Variants in DISP1 observed in about 807,000 individuals in gnomAD.
DISP1 encodes the protein dispatched RND transporter family member 1.
In DISP1, 30 loss-of-function variants were observed where a neutral mutation model predicts 37.3. That is an observed-to-expected ratio of 0.80 (90% confidence interval 0.60 to 1.09). DISP1 has a LOEUF of 1.09. DISP1 is among the 50% of genes least tolerant of loss of function. The pLI is 0.00. For missense variants in DISP1, 1,598 were observed against 1,879.5 expected (o/e 0.85, Z 2.77); for synonymous variants, 634 against 690.2 (o/e 0.92, Z 1.28).
chr1:222,834,562 C>T (rs1321170049), intron 1 of DISP1, among the ~76,000 whole-genome samples: 1 of 152,158 alleles, frequency 6.6e-6, no homozygotes, highest in Non-Finnish European at 1.5e-5. Context: ...CATTCTGTCA[C>T]AGACAGGTAG....
At chr1:222,895,330 T>C (rs1240039857) in intron 1 of DISP1, among the ~76,000 whole-genome samples, 1 of 152,344 alleles carries the variant, frequency 6.6e-6, no homozygotes, top group East Asian at 1.9e-4. Flanking sequence ...CACTGTACTC[T>C]TTCCAAGTAG....
At chr1:222,902,782 A>G (rs1026329720) in intron 1 of DISP1, among the ~76,000 whole-genome samples, 2 of 152,094 alleles carry the variant, frequency 1.3e-5, no homozygotes, top group African/African-American at 4.8e-5. Context: ...AATGGCGATC[A>G]TTAAAAAGTC....
intron 1 of DISP1, among the ~76,000 whole-genome samples, chr1:222,868,615 G>T (rs1669337449): frequency 6.6e-6 from 1 of 151,924 alleles, no homozygotes; most frequent in Non-Finnish European, 1.5e-5. Context: ...ATAGCTTTTT[G>T]TATTAATGAC....
chr1:222,832,811 A>ATATTAGTGTAG (rs1666080985), intron 1 of DISP1, among the ~76,000 whole-genome samples: 7 of 152,220 alleles, frequency 4.6e-5, no homozygotes, highest in African/African-American at 1.7e-4. Context: ...CATGAGACTC[A>ATATTAGTGTAG]CTTGAACCCG....
rs768730878 is a variant in DISP1 at position 223,003,797 on chromosome 1, C to T, written c.2400C>T (p.Asn800=). The T allele has an allele frequency of 3.1e-6, 5 of 1,614,152 alleles. No homozygotes were observed. The South Asian group carries it at 4.4e-5, about 14-fold the overall frequency. ...GCGTGTCCCCAGAAGACAATGGCAA[C>T]CCACTAAATCCCAAGAGTAAAGGGA... ...IWGVSPEDNG[N]PLNPKSKGKL... Residue 800 remains asparagine, a synonymous_variant, in exon 9 of 9, where the codon AAC becomes AAT. Coordinates refer to ENST00000675850, the MANE Select transcript of DISP1 (RefSeq NM_001377229.1). This position sits in a 1 kb window ranked among gnomAD's most constrained non-coding sequence, Gnocchi z 4.3.
chr1:222,886,682 G>T (rs1421530578), intron 1 of DISP1, among the ~76,000 whole-genome samples: 1 of 152,170 alleles, frequency 6.6e-6, no homozygotes, highest in Non-Finnish European at 1.5e-5. Flanking sequence ...TGTTTTGAGA[G>T]ACCATTTATG....
At chr1:222,884,265 A>C (rs929883295) in intron 1 of DISP1, among the ~76,000 whole-genome samples, 7 of 152,088 alleles carry the variant, frequency 4.6e-5, no homozygotes, top group African/African-American at 1.7e-4. Flanking sequence ...CTTCATGTTA[A>C]TATCTTATAT....
At chr1:222,977,861 G>T (rs2102676291) in intron 3 of DISP1, among the ~76,000 whole-genome samples, 1 of 152,288 alleles carries the variant, frequency 6.6e-6, no homozygotes, top group South Asian at 2.1e-4. Flanking sequence ...CAAAGGACAT[G>T]AACTCATCAC....
At chr1:222,949,327 G>A (rs779993066) in intron 3 of DISP1, among the ~76,000 whole-genome samples, 3 of 151,934 alleles carry the variant, frequency 2.0e-5, no homozygotes, top group Non-Finnish European at 4.4e-5. Context: ...CCGAGAGGTG[G>A]AGGTTGCAGT....
intron 1 of DISP1, among the ~76,000 whole-genome samples, chr1:222,830,080 A>C (rs1338006044): frequency 6.6e-6 from 1 of 152,126 alleles, no homozygotes; most frequent in Non-Finnish European, 1.5e-5. Flanking sequence ...ATTCATTTGC[A>C]CAGCCAGTAC....
At chr1:222,867,537 G>T (rs142177545) in intron 1 of DISP1, among the ~76,000 whole-genome samples, 1 of 152,046 alleles carries the variant, frequency 6.6e-6, no homozygotes, top group African/African-American at 2.4e-5. Context: ...AACTCCCCTC[G>T]CTGGGCTGTC....
intron 1 of DISP1, among the ~76,000 whole-genome samples, chr1:222,840,618 A>C (rs796769795): frequency 6.5e-5 from 9 of 139,186 alleles, no homozygotes; most frequent in Admixed American, 1.6e-4. Flanking sequence ...GCTGGAGTGC[A>C]GTGGTGCTAT....
chr1:222,948,807 AT>A (rs544301476), intron 3 of DISP1, among the ~76,000 whole-genome samples: 2 of 152,192 alleles, frequency 1.3e-5, no homozygotes, highest in Non-Finnish European at 2.9e-5. Context: ...ATCAATTTTT[AT>A]TGTTATTTGC....
At chr1:222,995,665 T>C (rs758837754) in intron 8 of DISP1, among the ~76,000 whole-genome samples, 3 of 152,188 alleles carry the variant, frequency 2.0e-5, no homozygotes, top group Non-Finnish European at 4.4e-5. Context: ...AGCTGTCAAT[T>C]TCATATGTTC....
chr1:222,891,873 T>G (rs1670963873), intron 1 of DISP1, among the ~76,000 whole-genome samples: 1 of 151,924 alleles, frequency 6.6e-6, no homozygotes, highest in African/African-American at 2.4e-5. Flanking sequence ...TATAAACAAC[T>G]ATCTTAAGAA....
chr1:223,003,676 C>CTTTTGAGCG lies in DISP1; in HGVS notation c.2282_2290dup (p.Phe761_Arg763dup). On this transcript the variant is annotated inframe_insertion, in exon 9 of 9. Coordinates refer to ENST00000675850, the MANE Select transcript of DISP1 (RefSeq NM_001377229.1). The surrounding 1 kb of genome is among the most constrained non-coding windows in gnomAD (Gnocchi z 4.3). ...TTCCAGGTGTTCCGGTCGTCCCATC[C>CTTTTGAGCG]TTTTGAGCGTTATGATGCTGAATAC... 3 of 1,614,132 alleles carry CTTTTGAGCG rather than the reference C, an allele frequency of 1.9e-6. No individual in the cohort carries two copies. Among genetic ancestry groups the CTTTTGAGCG allele is most frequent in the Non-Finnish European group, 2.5e-6 (3 of 1,180,022 alleles).
intron 1 of DISP1, among the ~76,000 whole-genome samples, chr1:222,898,427 T>C (rs1258361309): frequency 6.6e-6 from 1 of 152,138 alleles, no homozygotes; most frequent in African/African-American, 2.4e-5. Flanking sequence ...TCTTAATTTG[T>C]AACTCTTGAA....
Position 222,884,109 on chromosome 1 carries a change from A to T in DISP1, c.-158-44321A>T, listed in dbSNP as rs531929503. ...AATAAACTTCCCAAACTCCTGCCAG[A>T]TAACTGAATTTGAATCACTTTGGCT... On this transcript the variant is annotated intron_variant, in intron 1 of 8. Coordinates refer to ENST00000675850, the MANE Select transcript of DISP1 (RefSeq NM_001377229.1). Among the ~76,000 whole-genome samples the T allele has an allele frequency of 2.0e-5, 3 of 152,264 alleles. No homozygotes were observed. The South Asian group carries it at 6.2e-4, about 32-fold the overall frequency.
intron 3 of DISP1, among the ~76,000 whole-genome samples, chr1:222,980,607 C>A (rs936414445): frequency 6.6e-6 from 1 of 152,018 alleles, no homozygotes; most frequent in Non-Finnish European, 1.5e-5. Flanking sequence ...CCACAAAGGA[C>A]CATACATTAT....
Sources: allele counts gnomAD v4.1 joint callset (sites outside exome capture counted in the v4.1 genomes callset), GRCh38; gene constraint gnomAD v4.1.1; non-coding constraint Gnocchi (gnomAD v3.1); transcripts MANE v1.5; gene names NCBI Gene and HGNC (gene_info 2026-07-23, HGNC 2026-07-21).